Variants in GLIS1 observed in about 807,000 individuals in gnomAD.
GLIS1 encodes GLIS family zinc finger 1.
Under a neutral mutation model 63.8 loss-of-function variants are expected in GLIS1, and 24 were observed. That is an observed-to-expected ratio of 0.38 (90% CI 0.27 to 0.53). The LOEUF is 0.53. Ranked by LOEUF, GLIS1 falls within the 20% of genes least tolerant of loss-of-function variation. The pLI is 0.85. For missense variants in GLIS1, 1,036 were observed against 1,074.1 expected (o/e 0.96, Z 0.50); for synonymous variants, 450 against 482.5 (o/e 0.93, Z 0.88).
chr1:53,561,226 CTCCAGGA>C (rs1644889462), intron 4 of GLIS1, among the ~76,000 whole-genome samples: 1 of 152,164 alleles, frequency 6.6e-6, no homozygotes, highest in South Asian at 2.1e-4. Context: ...AGTGGGAGAG[CTCCAGGA>C]TTCAGGGAAG....
Position 53,509,828 on chromosome 1 carries a change from G to A in GLIS1, c.2062+21C>T, listed in dbSNP as rs147338188. The A allele has an allele frequency of 1.3e-4, 166 of 1,286,762 alleles. 1 individual carries two copies. Among genetic ancestry groups the A allele is most frequent in the Middle Eastern group, 2.5e-4 (1 of 3,940 alleles). The allele number at this position is 1,286,762 out of a possible 1,614,324, so 79.7% of individuals were successfully genotyped here. A position where few individuals can be genotyped will look rare whatever the true frequency, so the allele number is the denominator to read the frequency against. ...TGGGAATTGGGGGGTTATACGGAGC[G>A]GGCCCCTGGCCAGAGCTTACCTTGT... On this transcript the variant is annotated intron_variant, in intron 9 of 10. Transcript: ENST00000628545.
chr1:53,523,361 C>T (rs1419202076), intron 6 of GLIS1, among the ~76,000 whole-genome samples: 2 of 152,154 alleles, frequency 1.3e-5, no homozygotes, highest in African/African-American at 2.4e-5. Flanking sequence ...CCCACTGAGG[C>T]CCCTTGCTCC....
At chr1:53,610,062 C>T (rs1010477945) in intron 2 of GLIS1, among the ~76,000 whole-genome samples, 1 of 152,216 alleles carries the variant, frequency 6.6e-6, no homozygotes, top group Non-Finnish European at 1.5e-5. Context: ...CATAAATGTA[C>T]TTTTACTACT....
At chr1:53,612,130 C>T (rs894526725) in intron 2 of GLIS1, among the ~76,000 whole-genome samples, 2 of 152,228 alleles carry the variant, frequency 1.3e-5, no homozygotes, top group Admixed American at 1.3e-4. Flanking sequence ...TCACACCTAG[C>T]CCACTTCTCA....
intron 2 of GLIS1, among the ~76,000 whole-genome samples, chr1:53,680,828 C>T (rs545301799): frequency 7.2e-5 from 11 of 152,314 alleles, no homozygotes; most frequent in African/African-American, 2.4e-4. Flanking sequence ...GATCTAATCC[C>T]ACAGCTGTCT....
rs982829099 is a variant in GLIS1 at position 53,646,335 on chromosome 1, C to T, written c.260-46057G>A. On this transcript the variant is annotated intron_variant, in intron 2 of 10. Coordinates refer to ENST00000628545, the MANE Select transcript of GLIS1 (RefSeq NM_001367484.1). This position sits in a 1 kb window ranked among gnomAD's most constrained non-coding sequence, Gnocchi z 4.2. ...AAAAAGAATCTAAAAACAAACTAGACCATTAAAAAGTTAATTTGACAAGGT... is the reference window on the plus strand; with the variant it reads ...AAAAAGAATCTAAAAACAAACTAGATCATTAAAAAGTTAATTTGACAAGGT... Among the ~76,000 whole-genome samples, 11 of 152,040 alleles carry T rather than the reference C, an allele frequency of 7.2e-5. No homozygotes were observed. The highest frequency in any genetic ancestry group is 2.7e-4 in the African/African-American group (11 of 41,398).
At chr1:53,564,821 A>G (rs550983694) in intron 4 of GLIS1, among the ~76,000 whole-genome samples, 28 of 152,062 alleles carry the variant, frequency 1.8e-4, no homozygotes, top group Non-Finnish European at 2.8e-4. Context: ...AAACCTAATA[A>G]TAATATTAGC....
intron 2 of GLIS1, 45 bp downstream of exon 2, chr1:53,737,761 A>C: frequency 4.1e-6 from 5 of 1,230,306 alleles, no homozygotes; most frequent in Non-Finnish European, 5.1e-6. Context: ...GGGCAGCCCG[A>C]ATCTCCACAG....
intron 4 of GLIS1, among the ~76,000 whole-genome samples, chr1:53,569,366 G>A (rs950341756): frequency 4.6e-5 from 7 of 152,178 alleles, no homozygotes; most frequent in Non-Finnish European, 7.3e-5. Context: ...GGTGTGAGAT[G>A]TTGATAGCAG....
intron 2 of GLIS1, among the ~76,000 whole-genome samples, chr1:53,693,260 C>A (rs542924208): frequency 6.6e-6 from 1 of 152,204 alleles, no homozygotes; most frequent in African/African-American, 2.4e-5. Context: ...CTTGCCATGG[C>A]CCCATGTCAA....
In GLIS1 at chr1:53,536,007, C is replaced by T. The variant is rs191027303; in HGVS notation, c.1321-6055G>A. Among the ~76,000 whole-genome samples the T allele has an allele frequency of 2.6e-4, 40 of 152,204 alleles. No homozygotes were observed. In the East Asian group the frequency reaches 5.8e-3, roughly 22 times the overall value. ...AAGCTGGCCTCCACGCTTCCCGACC[C>T]GATGAATCAGGGTGAGCTCATTTCA... On this transcript the variant is annotated intron_variant, in intron 4 of 10. Transcript: ENST00000628545.
At chr1:53,536,595 CCAGT>C (rs1357268059) in intron 4 of GLIS1, among the ~76,000 whole-genome samples, 2 of 152,084 alleles carry the variant, frequency 1.3e-5, no homozygotes, top group African/African-American at 4.8e-5. Context: ...GGTCACACAG[CCAGT>C]CAGTGACGGA....
intron 2 of GLIS1, among the ~76,000 whole-genome samples, chr1:53,651,873 CAAAA>C (rs1218432150): frequency 5.5e-5 from 5 of 91,416 alleles, no homozygotes; most frequent in Admixed American, 2.4e-4. Context: ...GATCTTGTCT[CAAAA>C]AAAAAAAAAA....
At chr1:53,524,424 G>T (rs1299498688) in intron 6 of GLIS1, among the ~76,000 whole-genome samples, 1 of 152,260 alleles carries the variant, frequency 6.6e-6, no homozygotes, top group African/African-American at 2.4e-5. Context: ...GACACTGAAA[G>T]CGGGGACGTG....
At chr1:53,719,687 G>T (rs906056559) in intron 2 of GLIS1, among the ~76,000 whole-genome samples, 1 of 152,128 alleles carries the variant, frequency 6.6e-6, no homozygotes, top group Non-Finnish European at 1.5e-5. Flanking sequence ...TAAGATGGGG[G>T]TGGAGTGGGA....
intron 4 of GLIS1, among the ~76,000 whole-genome samples, chr1:53,541,720 G>T (rs951304507): frequency 5.9e-5 from 9 of 152,374 alleles, no homozygotes; most frequent in Admixed American, 1.3e-4. Flanking sequence ...AAACCCATCC[G>T]GTGGCCAAGT....
At chr1:53,614,996 A>G (rs920356418) in intron 2 of GLIS1, among the ~76,000 whole-genome samples, 2 of 152,092 alleles carry the variant, frequency 1.3e-5, no homozygotes, top group Non-Finnish European at 2.9e-5. Context: ...TCTATATTAT[A>G]TATTTTGAAA....
intron 4 of GLIS1, among the ~76,000 whole-genome samples, chr1:53,546,263 G>A (rs558609627): frequency 1.6e-4 from 24 of 152,356 alleles, no homozygotes; most frequent in African/African-American, 5.8e-4. Flanking sequence ...CCAGAGGCAA[G>A]CCCACGCCAC....
chr1:53,699,375 A>T (rs2100488148), intron 2 of GLIS1, among the ~76,000 whole-genome samples: 1 of 152,214 alleles, frequency 6.6e-6, no homozygotes. Context: ...ATTGTTCTTG[A>T]TGCCTGATCT....
Sources: allele counts gnomAD v4.1 joint callset (sites outside exome capture counted in the v4.1 genomes callset), GRCh38; gene constraint gnomAD v4.1.1; non-coding constraint Gnocchi (gnomAD v3.1); transcripts MANE v1.5; gene names NCBI Gene and HGNC (gene_info 2026-07-23, HGNC 2026-07-21).